CAST: variants seen among roughly 807,000 people sequenced by gnomAD.
CAST encodes calpastatin.
In CAST, 76 loss-of-function variants were observed where a neutral mutation model predicts 119.6. The observed-to-expected ratio is 0.64, with a 90% CI of 0.53 to 0.77. CAST has a LOEUF of 0.77. Among genes scored for constraint, CAST ranks in the 30% least tolerant of loss-of-function variants. CAST has a pLI of 0.00. For missense variants in CAST, 953 were observed against 946.5 expected, an observed-to-expected ratio of 1.01 and a Z score of -0.09; for synonymous variants, 319 against 331.6, an observed-to-expected ratio of 0.96 and a Z score of 0.41.
chr5:95,987,665 T>A, the CAST span, among the ~76,000 whole-genome samples: 1 of 152,034 alleles, frequency 6.6e-6, no homozygotes, highest in Non-Finnish European at 1.5e-5. Context: ...ACTTAGTCTC[T>A]CTGAGCCTTA....
At chr5:96,736,273 C>T (rs1020525681) in intron 10 of CAST, 33 bp downstream of exon 10, 21 of 1,352,880 alleles carry the variant, frequency 1.6e-5, no homozygotes, top group Non-Finnish European at 2.1e-5. Flanking sequence ...CTACATGAGA[C>T]AGTTACTCAT....
the CAST span, among the ~76,000 whole-genome samples, chr5:96,074,062 C>T: frequency 6.6e-6 from 1 of 152,116 alleles, no homozygotes; most frequent in Admixed American, 6.6e-5. Flanking sequence ...AATTTTATAT[C>T]GAGAGACTCA....
At chr5:96,748,861 A>G in intron 19 of CAST, 3 of 370,518 alleles carry the variant, frequency 8.1e-6, no homozygotes, top group Non-Finnish European at 9.8e-6. Context: ...TTCTTATCCC[A>G]GCTTCTGTAA....
chr5:96,401,589 A>G, the CAST span, among the ~76,000 whole-genome samples: 26 of 152,370 alleles, frequency 1.7e-4, no homozygotes, highest in African/African-American at 6.3e-4. Context: ...TGGATCTATT[A>G]TACTATGATG....
At chr5:96,297,558 A>G in the CAST span, among the ~76,000 whole-genome samples, 2 of 152,184 alleles carry the variant, frequency 1.3e-5, no homozygotes, top group African/African-American at 4.8e-5. Flanking sequence ...CAACTCTATC[A>G]ACCCATGGCA....
chr5:96,021,655 C>T, the CAST span, among the ~76,000 whole-genome samples: 5 of 152,050 alleles, frequency 3.3e-5, no homozygotes, highest in Admixed American at 6.5e-5. Context: ...ACTGTGTTAG[C>T]CAGGATGGTC....
At chr5:96,277,010 A>C in the CAST span, among the ~76,000 whole-genome samples, 1 of 152,234 alleles carries the variant, frequency 6.6e-6, no homozygotes, top group Non-Finnish European at 1.5e-5. Flanking sequence ...ATCCATGAAG[A>C]TCTAATTCAT....
chr5:96,212,461 A>G, the CAST span, among the ~76,000 whole-genome samples: 18 of 152,118 alleles, frequency 1.2e-4, no homozygotes, highest in Non-Finnish European at 1.5e-4. Flanking sequence ...TATGGTTTCA[A>G]TCCTTTAAAT....
chr5:96,103,667 G>GAACACAAAAA, the CAST span, among the ~76,000 whole-genome samples: 1 of 151,806 alleles, frequency 6.6e-6, no homozygotes, highest in African/African-American at 2.4e-5. Context: ...ACATACGTGT[G>GAACACAAAAA]CATGTGTCTT....
At chr5:96,620,293 T>C (rs904663106) in intron 1 of CAST, among the ~76,000 whole-genome samples, 7 of 151,938 alleles carry the variant, frequency 4.6e-5, no homozygotes, top group Non-Finnish European at 1.0e-4. Context: ...TTTTTCTTTT[T>C]TTTTTTTTTT....
chr5:96,322,451 C>T, the CAST span, among the ~76,000 whole-genome samples: 39,492 of 152,118 alleles, frequency 0.26, 5,896 homozygotes, highest in Admixed American at 0.39. Flanking sequence ...CTATTTACAC[C>T]TGCTTGACAA....
the CAST span, among the ~76,000 whole-genome samples, chr5:96,069,988 C>T: frequency 6.6e-6 from 1 of 151,994 alleles, no homozygotes; most frequent in African/African-American, 2.4e-5. Context: ...CCTGTCTCTA[C>T]AAAAATAAAC....
At chr5:96,329,443 T>C in the CAST span, among the ~76,000 whole-genome samples, 25 of 152,300 alleles carry the variant, frequency 1.6e-4, no homozygotes, top group African/African-American at 6.0e-4. Context: ...TTGCTAGGAA[T>C]GTCAATCAAC....
the CAST span, among the ~76,000 whole-genome samples, chr5:96,463,449 T>C: frequency 6.6e-6 from 1 of 152,048 alleles, no homozygotes; most frequent in Non-Finnish European, 1.5e-5. Context: ...GGAAACCACA[T>C]TGCAGGGAAA....
Position 96,748,591 on chromosome 5 carries a change from C to T in CAST, c.1406C>T (p.Ser469Phe). The change falls in exon 19 of 32, where the codon TCT becomes TTT. Residue 469 changes from serine (S) to phenylalanine (F), a missense_variant. Ser to Phe is a radical substitution (Grantham distance 155, BLOSUM62 -2). Transcript: ENST00000675179. Reference protein sequence around the residue: ...FDRSECKEKPSKPTEKTEESK... With the variant: ...FDRSECKEKPFKPTEKTEESK... ...CGGTCTGAATGTAAAGAGAAACCAT[C>T]TAAGCCAACTGAAAAGACAGAAGTA... The T allele has an allele frequency of 1.3e-6, 2 of 1,527,884 alleles. No homozygotes were observed. Among genetic ancestry groups the T allele is most frequent in the Middle Eastern group, 1.7e-4 (1 of 5,912 alleles). 94.6% of individuals were successfully genotyped at this position (1,527,884 alleles called of 1,614,324 possible). A position where few individuals can be genotyped will look rare whatever the true frequency, so the allele number is the denominator to read the frequency against.
At chr5:96,765,786 A>C (rs1249733669) in intron 26 of CAST, among the ~76,000 whole-genome samples, 2 of 150,312 alleles carry the variant, frequency 1.3e-5, no homozygotes, top group Non-Finnish European at 3.0e-5. Flanking sequence ...TTCTGAAGAT[A>C]ATTATTTAAT....
chr5:96,382,456 A>G, the CAST span, among the ~76,000 whole-genome samples: 2 of 152,210 alleles, frequency 1.3e-5, no homozygotes, highest in Admixed American at 1.3e-4. Context: ...CCTGGGCATC[A>G]GCTATTATTC....
At chr5:96,409,246 C>G in the CAST span, among the ~76,000 whole-genome samples, 2 of 152,064 alleles carry the variant, frequency 1.3e-5, no homozygotes, top group Non-Finnish European at 2.9e-5. Flanking sequence ...GCTCCAGCAC[C>G]GAAGTTCTAG....
chr5:96,409,379 G>A, the CAST span, among the ~76,000 whole-genome samples: 3 of 152,198 alleles, frequency 2.0e-5, no homozygotes, highest in Non-Finnish European at 2.9e-5. Flanking sequence ...TCCTCAGAGG[G>A]CTGCGGAAGC....
Sources: gnomAD v4.1 joint callset for allele counts (sites outside exome capture counted in the v4.1 genomes callset) on GRCh38, gnomAD v4.1.1 for gene constraint, MANE v1.5 for transcripts, NCBI Gene and HGNC (gene_info 2026-07-23, HGNC 2026-07-21) for gene names.